Variants in SIK3 observed in about 807,000 individuals in gnomAD.
SIK3 encodes serine/threonine-protein kinase SIK3.
In SIK3, 28 loss-of-function variants were observed where a neutral mutation model predicts 144.2. That is an observed-to-expected ratio of 0.19 (90% confidence interval 0.14 to 0.27). The LOEUF (loss-of-function observed/expected upper bound fraction) is 0.27, where lower values mean the gene tolerates loss of function less well. SIK3 is among the 10% of genes least tolerant of loss of function. The pLI is 1.00. For missense variants in SIK3, 1,319 were observed against 1,776.0 expected (o/e 0.74, Z 4.62); for synonymous variants, 686 against 676.3 (o/e 1.01, Z -0.22).
At chr11:116,862,671 T>TAG (rs986758415) in intron 16 of SIK3, among the ~76,000 whole-genome samples, 2 of 152,130 alleles carry the variant, frequency 1.3e-5, no homozygotes, top group Non-Finnish European at 2.9e-5. Context: ...CAGAAACATA[T>TAG]AGAGGTACAT....
chr11:117,091,361 C>T (rs1040882737), intron 1 of SIK3, among the ~76,000 whole-genome samples: 1 of 151,860 alleles, frequency 6.6e-6, no homozygotes, highest in Admixed American at 6.6e-5. Context: ...TGTACCACCA[C>T]GCCTGGCTAA....
intron 3 of SIK3, among the ~76,000 whole-genome samples, chr11:116,932,806 TTTTG>T (rs911686288): frequency 3.9e-5 from 6 of 152,268 alleles, no homozygotes; most frequent in South Asian, 2.1e-4. Flanking sequence ...ATTTTCTTGT[TTTTG>T]TTTGTTTGTT....
chr11:116,950,244 T>A (rs576235963), intron 3 of SIK3: 1 of 441,416 alleles, frequency 2.3e-6, no homozygotes, highest in East Asian at 7.5e-5. Context: ...GAATTGCTGA[T>A]GTCCAAATCC....
intron 1 of SIK3, among the ~76,000 whole-genome samples, chr11:117,027,445 T>TA (rs965538452): frequency 1.4e-5 from 2 of 145,654 alleles, no homozygotes; most frequent in African/African-American, 5.0e-5. Context: ...TTCTTTTTTT[T>TA]ATATCTGTTT....
At chr11:116,886,353 C>G (rs1369198008) in intron 6 of SIK3, among the ~76,000 whole-genome samples, 1 of 152,176 alleles carries the variant, frequency 6.6e-6, no homozygotes, top group African/African-American at 2.4e-5. Context: ...CCAATTTAAT[C>G]CCTTGCCCCA....
chr11:116,893,006 G>A (rs1208219563), intron 6 of SIK3, among the ~76,000 whole-genome samples: 2 of 152,172 alleles, frequency 1.3e-5, no homozygotes, highest in African/African-American at 4.8e-5. Flanking sequence ...TTCTGGAAAA[G>A]GAAAAACTTG....
intron 4 of SIK3, among the ~76,000 whole-genome samples, chr11:116,903,589 C>CT (rs886360618): frequency 6.6e-6 from 1 of 151,580 alleles, no homozygotes; most frequent in Admixed American, 6.6e-5. Context: ...TAAAGAAAAA[C>CT]TTTTTTTTTG....
Position 117,054,213 on chromosome 11 carries a change from G to A in SIK3, c.273+43930C>T, listed in dbSNP as rs577675303. ...ACCAGACAGACTAGATGTTTGGGGT[G>A]GAAGGCTGAGTGCTTATTAGCAGGG... On this transcript the variant is annotated intron_variant, in intron 1 of 24. Transcript: ENST00000445177. 2.6e-4 allele frequency among the ~76,000 whole-genome samples: 40 copies of A among 152,370 alleles called. No homozygotes were observed. In the South Asian group the frequency reaches 8.1e-3, roughly 31 times the overall value.
intron 1 of SIK3, among the ~76,000 whole-genome samples, chr11:116,989,196 C>CT (rs893521784): frequency 3.1e-4 from 46 of 149,328 alleles, no homozygotes; most frequent in Admixed American, 1.1e-3. Flanking sequence ...TTTCCTTCCA[C>CT]TTTTTTTTTT....
chr11:116,947,755 C>T (rs1249635187), intron 3 of SIK3, among the ~76,000 whole-genome samples: 2 of 151,166 alleles, frequency 1.3e-5, no homozygotes, highest in African/African-American at 2.4e-5. Flanking sequence ...TTAGTAGAGA[C>T]GGGGTTTCAC....
intron 3 of SIK3, among the ~76,000 whole-genome samples, chr11:116,938,259 A>AGAGAGGAGAG (rs1188897295): frequency 8.1e-5 from 1 of 12,394 alleles, no homozygotes; most frequent in East Asian, 1.4e-3. Flanking sequence ...AGAGGGGAGA[A>AGAGAGGAGAG]GAGAGGAGAG....
At chr11:116,927,447 A>C in intron 3 of SIK3, 67 bp from the exon 4 acceptor site, 2 of 1,523,594 alleles carry the variant, frequency 1.3e-6, no homozygotes, top group East Asian at 4.6e-5. Context: ...AGGTAGACTT[A>C]AGGAGGGCTA....
chr11:117,092,498 C>T (rs1056115103), intron 1 of SIK3, among the ~76,000 whole-genome samples: 15 of 152,188 alleles, frequency 9.9e-5, no homozygotes, highest in Admixed American at 1.3e-4. Context: ...TATTTTCTTC[C>T]TGGTATTCAT....
chr11:117,029,851 G>A (rs1289066075), intron 1 of SIK3, among the ~76,000 whole-genome samples: 1 of 151,532 alleles, frequency 6.6e-6, no homozygotes, highest in African/African-American at 2.4e-5. Flanking sequence ...CTAGTATGGT[G>A]TTAGAACTGG....
chr11:116,858,533 T>C lies in SIK3; in HGVS notation c.2932A>G (p.Thr978Ala). Residue 978 changes from threonine (T) to alanine (A), a missense_variant, in exon 21 of 25, where the codon ACC (threonine) becomes GCC (alanine). This residue lies in a region of SIK3 where 646 missense variants were observed against 763.7 expected (regional missense o/e 0.85). Transcript: ENST00000445177. The surrounding 1 kb of genome is among the most constrained non-coding windows in gnomAD (Gnocchi z 5.4). ...TGCTGATGTGCACTGGGAGGGAAGGTGGGGAATTGGTCAAGTGGAGGGACT... is the reference window on the plus strand; with the variant it reads ...TGCTGATGTGCACTGGGAGGGAAGGCGGGGAATTGGTCAAGTGGAGGGACT... ...LKVPPLDQFPTFPPSAHQQPP... is the reference protein window; with the variant it reads ...LKVPPLDQFPAFPPSAHQQPP... 1.2e-6 allele frequency: 2 copies of C among 1,610,752 alleles called. No homozygotes were observed. Among genetic ancestry groups the C allele is most frequent in the African/African-American group, 1.3e-5 (1 of 74,690 alleles).
In SIK3 at chr11:116,875,987, T is replaced by C; in HGVS notation, c.1118A>G (p.Asp373Gly). Residue 373 changes from aspartate (D) to glycine (G), a missense_variant, in exon 9 of 25, where the codon GAT (aspartate) becomes GGT (glycine). This residue lies in a region of SIK3 where 109 missense variants were observed against 109.3 expected (regional missense o/e 1.00). Coordinates refer to ENST00000445177, the MANE Select transcript of SIK3 (RefSeq NM_001366686.3). ...TLQSLRSDAY[D>G]HYSAIYSLLC... ...CAGGCTGTAGATTGCACTATAGTGA[T>C]CATAGGCATCTGATCTTAATGACTA... 4 of 1,613,294 alleles carry C rather than the reference T, an allele frequency of 2.5e-6. No individual in the cohort carries two copies. The South Asian group carries it at 4.4e-5, about 18-fold the overall frequency.
intron 1 of SIK3, among the ~76,000 whole-genome samples, chr11:116,965,941 A>T (rs1949532946): frequency 6.6e-6 from 1 of 151,158 alleles, no homozygotes; most frequent in Admixed American, 6.6e-5. Flanking sequence ...TCTCAAAAAA[A>T]AAAAGAGGGA....
chr11:117,043,492 A>G (rs1323850254), intron 1 of SIK3, among the ~76,000 whole-genome samples: 1 of 152,200 alleles, frequency 6.6e-6, no homozygotes, highest in East Asian at 1.9e-4. Flanking sequence ...ACATGTAACT[A>G]AACAGTACAA....
intron 1 of SIK3, among the ~76,000 whole-genome samples, chr11:117,065,284 TA>T (rs1229984787): frequency 3.3e-5 from 5 of 151,966 alleles, no homozygotes; most frequent in African/African-American, 1.2e-4. Context: ...TTTATTATTT[TA>T]AAAAATGAAA....
Sources: allele counts gnomAD v4.1 joint callset (sites outside exome capture counted in the v4.1 genomes callset), GRCh38; gene constraint gnomAD v4.1.1; regional missense constraint gnomAD v4.1.1; non-coding constraint Gnocchi (gnomAD v3.1); transcripts MANE v1.5; gene names NCBI Gene and HGNC (gene_info 2026-07-23, HGNC 2026-07-21).